Variants in DLC1 observed in about 807,000 individuals in gnomAD.
DLC1 encodes DLC1 Rho GTPase activating protein, also known as rho GTPase-activating protein 7.
DLC1 carries 54 observed loss-of-function variants against 140.3 expected under a neutral mutation model. The ratio of observed to expected loss-of-function variants is 0.38; its 90% confidence interval spans 0.31 to 0.48. The LOEUF (loss-of-function observed/expected upper bound fraction) is 0.48. DLC1 is among the 20% of genes least tolerant of loss of function. The probability of loss-of-function intolerance (pLI) is 0.96; values close to 1 mark genes in which losing one functional copy is unlikely to be tolerated. For synonymous variants in DLC1, 986 were observed against 728.1 expected (o/e 1.35, Z -5.70); for missense variants, 2,536 against 1,907.0 (o/e 1.33, Z -6.14).
Position 13,088,515 on chromosome 8 carries a change from G to T in DLC1, c.4264C>A (p.His1422Asn). 5.0e-6 allele frequency: 8 copies of T among 1,614,250 alleles called. No homozygotes were observed. Among genetic ancestry groups the T allele is most frequent in the Non-Finnish European group, 6.8e-6 (8 of 1,180,042 alleles). Residue 1422 changes from histidine (H) to asparagine (N), a missense_variant, in exon 16 of 18, where the codon CAT becomes AAT. By Grantham distance (68) the His-to-Asn change is moderately conservative (BLOSUM62 1). Transcript: ENST00000276297. ...YQYVQNSMAP[H>N]PARDYVVLRT... The stretch of plus-strand genomic sequence containing the variant: ...AAAACAACGTAGTCTCGAGCAGGAT[G>T]AGGTGCCATACTGTTTTGGACATAC...
intron 2 of DLC1, among the ~76,000 whole-genome samples, chr8:13,470,731 A>C (rs1325388533): frequency 6.6e-6 from 1 of 152,222 alleles, no homozygotes; most frequent in Non-Finnish European, 1.5e-5. Flanking sequence ...GTCCTAAAAA[A>C]TGGATAATAG....
At chr8:13,276,394 C>T in intron 5 of DLC1, 1 of 1,488,000 alleles carries the variant, frequency 6.7e-7, no homozygotes, top group Non-Finnish European at 8.9e-7. Context: ...GCCTTGGGGT[C>T]CCCCATCCGC....
rs552183462 is a variant in DLC1 at position 13,155,487 on chromosome 8, T to A, written c.1349-39830A>T. On this transcript the variant is annotated intron_variant, in intron 5 of 17. Transcript: ENST00000276297. The stretch of plus-strand genomic sequence containing the variant: ...AAACAATAATTTAAATCTATTTTTT[T>A]AAAAAAACATGTTCACCAAAGTAGG... Among the ~76,000 whole-genome samples the A allele has an allele frequency of 3.3e-5, 5 of 152,198 alleles. No homozygotes were observed. The East Asian group carries it at 7.7e-4, about 23-fold the overall frequency.
At chr8:13,586,664 G>C (rs1009756314) in intron 1 of DLC1, among the ~76,000 whole-genome samples, 7 of 148,860 alleles carry the variant, frequency 4.7e-5, no homozygotes, top group African/African-American at 1.7e-4. Flanking sequence ...ATAATACAGA[G>C]AGACCCAACG....
chr8:13,256,986 G>A (rs1830257694), intron 5 of DLC1, among the ~76,000 whole-genome samples: 1 of 151,790 alleles, frequency 6.6e-6, no homozygotes, highest in African/African-American at 2.4e-5. Context: ...CTGAGTGAAG[G>A]CTATTCTTTA....
At chr8:13,279,390 T>C (rs111256905) in intron 5 of DLC1, among the ~76,000 whole-genome samples, 8,188 of 152,278 alleles carry the variant, frequency 0.054, 271 homozygotes, top group South Asian at 0.13. Context: ...ACCTGCCTAT[T>C]CCTAGTGCAG....
chr8:13,265,269 T>C (rs1019705313), intron 5 of DLC1, among the ~76,000 whole-genome samples: 1 of 152,140 alleles, frequency 6.6e-6, no homozygotes, highest in Non-Finnish European at 1.5e-5. Context: ...GAAGAAAGCA[T>C]TTACACACAA....
At chr8:13,219,458 GA>G (rs1377432029) in intron 5 of DLC1, among the ~76,000 whole-genome samples, 14 of 68,170 alleles carry the variant, frequency 2.1e-4, no homozygotes, top group African/African-American at 6.4e-5. Context: ...ATATAAACAG[GA>G]ATAGAATTGC....
chr8:13,308,061 A>C (rs1222819606), intron 4 of DLC1, among the ~76,000 whole-genome samples: 2 of 152,214 alleles, frequency 1.3e-5, no homozygotes, highest in Non-Finnish European at 2.9e-5. Context: ...CTTTGCCCCA[A>C]ATCACAAGTT....
At chr8:13,572,184 G>A (rs766883568) in intron 1 of DLC1, among the ~76,000 whole-genome samples, 40 of 151,202 alleles carry the variant, frequency 2.6e-4, no homozygotes, top group Admixed American at 4.6e-4. Flanking sequence ...CCACCTCCCG[G>A]GTTCACACCA....
chr8:13,332,376 C>A (rs1164587782), intron 4 of DLC1, among the ~76,000 whole-genome samples: 1 of 151,812 alleles, frequency 6.6e-6, no homozygotes, highest in Non-Finnish European at 1.5e-5. Flanking sequence ...GCACACATAG[C>A]ATACCTTGGT....
chr8:13,522,475 A>T (rs1418817736), intron 1 of DLC1, among the ~76,000 whole-genome samples: 1 of 151,854 alleles, frequency 6.6e-6, no homozygotes. Flanking sequence ...AAATGCAAAA[A>T]TTAGCTGGGC....
At chr8:13,199,471 G>T (rs1045896604) in intron 5 of DLC1, among the ~76,000 whole-genome samples, 2 of 152,068 alleles carry the variant, frequency 1.3e-5, no homozygotes, top group African/African-American at 4.8e-5. Flanking sequence ...TTGAGCCACT[G>T]GGCCCCGCGT....
At chr8:13,419,675 T>A (rs150106088) in intron 2 of DLC1, among the ~76,000 whole-genome samples, 2,717 of 152,256 alleles carry the variant, frequency 0.018, 23 homozygotes, top group Middle Eastern at 0.037. Context: ...TAAAATTCTC[T>A]TTTTTGGTTG....
intron 2 of DLC1, among the ~76,000 whole-genome samples, chr8:13,453,434 A>G (rs1297615903): frequency 3.4e-5 from 1 of 29,572 alleles, no homozygotes; most frequent in African/African-American, 1.9e-4. Flanking sequence ...GTGTATATAT[A>G]TATGTATATA....
chr8:13,309,156 G>C (rs1460897350), intron 4 of DLC1, among the ~76,000 whole-genome samples: 2 of 152,168 alleles, frequency 1.3e-5, no homozygotes, highest in African/African-American at 4.8e-5. Flanking sequence ...TGCATCCTCA[G>C]GAAGTGATTT....
chr8:13,264,042 A>G (rs1270850090), intron 5 of DLC1, among the ~76,000 whole-genome samples: 1 of 86,402 alleles, frequency 1.2e-5, no homozygotes, highest in Non-Finnish European at 2.4e-5. Flanking sequence ...AGCAATAAGA[A>G]TAAGAAGCTT....
rs149295187 is a variant in DLC1 at position 13,098,572 on chromosome 8, G to C, written c.2994C>G (p.His998Gln). The C allele has an allele frequency of 4.8e-4, 773 of 1,613,166 alleles. 3 individuals are homozygous for C. The highest frequency in any genetic ancestry group is 2.5e-3 in the Middle Eastern group (15 of 6,022). Residue 998 changes from histidine (H) to glutamine (Q), a missense_variant, in exon 10 of 18, where the codon CAC (histidine) becomes CAG (glutamine). Physicochemically the swap from His to Gln is conservative, Grantham distance 24. Coordinates refer to ENST00000276297, the MANE Select transcript of DLC1 (RefSeq NM_182643.3). Reference protein sequence around the residue: ...VGASLTRSNRHRLRWHSFQSS... With the variant: ...VGASLTRSNRQRLRWHSFQSS... ...TCTGGAAACTGTGCCATCTCAGTCG[G>C]TGCCTGCGAGAGAAGAGGAGAGGAA...
intron 4 of DLC1, among the ~76,000 whole-genome samples, chr8:13,363,634 A>G (rs1835347000): frequency 6.6e-6 from 1 of 152,130 alleles, no homozygotes; most frequent in Non-Finnish European, 1.5e-5. Flanking sequence ...AGGTATTTTT[A>G]CATGTTCTCC....
Sources: allele counts gnomAD v4.1 joint callset (sites outside exome capture counted in the v4.1 genomes callset), GRCh38; gene constraint gnomAD v4.1.1; transcripts MANE v1.5; gene names NCBI Gene and HGNC (gene_info 2026-07-23, HGNC 2026-07-21).